The following TMEM132D variants were observed in gnomAD, a reference collection of about 807,000 sequenced individuals.
TMEM132D encodes mature OL transmembrane protein.
Under a neutral mutation model 62.3 loss-of-function variants are expected in TMEM132D, and 21 were observed. The observed-to-expected ratio is 0.34, with a 90% confidence interval of 0.24 to 0.49. The LOEUF (loss-of-function observed/expected upper bound fraction) is 0.49. Ranked by LOEUF, TMEM132D falls within the 20% of genes least tolerant of loss-of-function variation. The pLI, the probability that TMEM132D is intolerant of heterozygous loss-of-function variation, is 0.99. For missense variants in TMEM132D, 1,346 were observed against 1,402.8 expected (o/e 0.96, Z 0.65); for synonymous variants, 621 against 575.6 (o/e 1.08, Z -1.13).
At chr12:129,870,858 G>A (rs899945934) in intron 1 of TMEM132D, among the ~76,000 whole-genome samples, 1 of 152,080 alleles carries the variant, frequency 6.6e-6, no homozygotes, top group African/African-American at 2.4e-5. Flanking sequence ...TGGAGTGAAG[G>A]AAGTCTTGTT....
intron 4 of TMEM132D, among the ~76,000 whole-genome samples, chr12:129,240,171 G>A (rs1879897683): frequency 6.6e-6 from 1 of 152,192 alleles, no homozygotes; most frequent in Non-Finnish European, 1.5e-5. Flanking sequence ...GCCACTCAGA[G>A]CCACTGCTAA....
At chr12:129,211,938 C>G (rs1488324475) in intron 4 of TMEM132D, 1 of 152,146 alleles carries the variant, frequency 6.6e-6, no homozygotes, top group Non-Finnish European at 1.5e-5. Flanking sequence ...TTTGCACCAA[C>G]CTAACTTTTT....
Position 129,621,829 on chromosome 12 carries a change from G to A in TMEM132D, c.968+77981C>T, listed in dbSNP as rs138422927. On this transcript the variant is annotated intron_variant, in intron 2 of 8. Coordinates refer to ENST00000422113, the MANE Select transcript of TMEM132D (RefSeq NM_133448.3). ...TTACCTGAGGCAGGTTTCGAACCCA[G>A]GTGGTCTGGGACTAGAGCCCCAGTG... Among the ~76,000 whole-genome samples, 308 of 152,292 alleles carry A rather than the reference G, an allele frequency of 2.0e-3. 4 individuals are homozygous for A. The highest frequency in any genetic ancestry group is 7.1e-3 in the African/African-American group (294 of 41,556).
intron 1 of TMEM132D, among the ~76,000 whole-genome samples, chr12:129,721,019 G>A (rs145859044): frequency 3.3e-5 from 5 of 152,334 alleles, no homozygotes; most frequent in African/African-American, 9.6e-5. Context: ...CCGCATCTGC[G>A]TGTGGAGGGA....
intron 2 of TMEM132D, among the ~76,000 whole-genome samples, chr12:129,667,961 C>T (rs952242157): frequency 3.2e-5 from 2 of 62,100 alleles, no homozygotes; most frequent in Admixed American, 1.8e-4. Flanking sequence ...ACTGGTTACC[C>T]TAAAATGTTG....
At chr12:129,390,047 G>C (rs1252872601) in intron 3 of TMEM132D, among the ~76,000 whole-genome samples, 1 of 152,178 alleles carries the variant, frequency 6.6e-6, no homozygotes, top group Admixed American at 6.5e-5. Flanking sequence ...TCCTGTCACG[G>C]GACCAGCTGG....
intron 2 of TMEM132D, among the ~76,000 whole-genome samples, chr12:129,655,246 C>CTTTTTTT (rs5801873): frequency 7.2e-6 from 1 of 139,394 alleles, no homozygotes. Flanking sequence ...TGTGTCTAGC[C>CTTTTTTT]TTTTTTTTTT....
At chr12:129,635,197 C>T (rs999790446) in intron 2 of TMEM132D, among the ~76,000 whole-genome samples, 40 of 152,180 alleles carry the variant, frequency 2.6e-4, no homozygotes, top group Admixed American at 2.0e-4. Flanking sequence ...ACCTCATTTG[C>T]CTCTGAAAAT....
chr12:129,442,632 G>C (rs934721049), intron 3 of TMEM132D, among the ~76,000 whole-genome samples: 1 of 151,404 alleles, frequency 6.6e-6, no homozygotes, highest in Admixed American at 6.6e-5. Flanking sequence ...GTCATCTAGT[G>C]GGATGTGCTA....
intron 5 of TMEM132D, among the ~76,000 whole-genome samples, chr12:129,167,247 G>A (rs1257512371): frequency 1.3e-5 from 2 of 152,002 alleles, no homozygotes; most frequent in African/African-American, 4.8e-5. Flanking sequence ...ACAGAATGCT[G>A]AGACGAGGAG....
chr12:129,757,006 A>G (rs1870188836), intron 1 of TMEM132D, among the ~76,000 whole-genome samples: 1 of 152,116 alleles, frequency 6.6e-6, no homozygotes, highest in South Asian at 2.1e-4. Flanking sequence ...GCTATTCCTT[A>G]ATAGATGCTA....
At chr12:129,290,840 C>T (rs190859430) in intron 4 of TMEM132D, among the ~76,000 whole-genome samples, 30 of 152,230 alleles carry the variant, frequency 2.0e-4, no homozygotes, top group African/African-American at 7.2e-4. Context: ...CAGTGTAGAC[C>T]TCATTAATTT....
intron 4 of TMEM132D, among the ~76,000 whole-genome samples, chr12:129,286,757 G>A (rs139835460): frequency 1.9e-4 from 29 of 152,266 alleles, no homozygotes; most frequent in African/African-American, 6.7e-4. Flanking sequence ...CCAATAAAAG[G>A]AGACAGGGAG....
At chr12:129,367,312 G>A (rs936304751) in intron 3 of TMEM132D, among the ~76,000 whole-genome samples, 4 of 152,206 alleles carry the variant, frequency 2.6e-5, no homozygotes, top group Admixed American at 6.5e-5. Context: ...GGTGGCTAGT[G>A]GCGGGCAGGA....
At chr12:129,092,704 A>G (rs1593258129) in intron 5 of TMEM132D, among the ~76,000 whole-genome samples, 1 of 152,344 alleles carries the variant, frequency 6.6e-6, no homozygotes, top group Middle Eastern at 3.4e-3. Flanking sequence ...CTCAAAAAAG[A>G]AAGATAACAT....
intron 5 of TMEM132D, among the ~76,000 whole-genome samples, chr12:129,153,038 T>G (rs1259142480): frequency 6.6e-6 from 1 of 152,210 alleles, no homozygotes; most frequent in East Asian, 1.9e-4. Flanking sequence ...CTTTGCAGCC[T>G]GGGCAGTCGT....
At chr12:129,747,719 TACAC>T (rs555484397) in intron 1 of TMEM132D, among the ~76,000 whole-genome samples, 10 of 139,516 alleles carry the variant, frequency 7.2e-5, no homozygotes, top group East Asian at 4.4e-4. Context: ...CACTCAGACA[TACAC>T]ACAGACACAC....
chr12:129,756,478 T>C (rs1007253227), intron 1 of TMEM132D, among the ~76,000 whole-genome samples: 1 of 152,150 alleles, frequency 6.6e-6, no homozygotes, highest in Non-Finnish European at 1.5e-5. Flanking sequence ...TTTAATCAAA[T>C]TTATGCAGAC....
chr12:129,337,482 G>A (rs1026053851), intron 4 of TMEM132D, 152 bp downstream of exon 4: 1 of 678,302 alleles, frequency 1.5e-6, no homozygotes, highest in African/African-American at 2.0e-5. Flanking sequence ...CATAACGATT[G>A]GCTATTGGCA....
Sources: allele counts gnomAD v4.1 joint callset (sites outside exome capture counted in the v4.1 genomes callset), GRCh38; gene constraint gnomAD v4.1.1; transcripts MANE v1.5; gene names NCBI Gene and HGNC (gene_info 2026-07-23, HGNC 2026-07-21).